The following MAF variants were observed in gnomAD, a reference collection of about 807,000 sequenced individuals.
MAF encodes MAF bZIP transcription factor.
MAF carries 10 observed loss-of-function variants against 22.0 expected under a neutral mutation model. The observed-to-expected ratio is 0.45, with a 90% confidence interval of 0.28 to 0.77. MAF has a LOEUF of 0.77. Among genes scored for constraint, MAF ranks in the 30% least tolerant of loss-of-function variants. The pLI is 0.12. For missense variants in MAF, 544 were observed against 548.4 expected (o/e 0.99, Z 0.08); for synonymous variants, 337 against 255.8 (o/e 1.32, Z -3.03).
At chr16:79,506,140 C>A in the MAF span, among the ~76,000 whole-genome samples, 1 of 152,106 alleles carries the variant, frequency 6.6e-6, no homozygotes, top group Non-Finnish European at 1.5e-5. Context: ...AAAGAGATTT[C>A]TTGGAGTTGG....
At chr16:79,449,549 A>T in the MAF span, among the ~76,000 whole-genome samples, 1 of 152,164 alleles carries the variant, frequency 6.6e-6, no homozygotes, top group African/African-American at 2.4e-5. Flanking sequence ...TTCTGCATGC[A>T]TGCAGCAAAC....
At chr16:79,371,065 G>A in the MAF span, among the ~76,000 whole-genome samples, 2 of 152,132 alleles carry the variant, frequency 1.3e-5, no homozygotes, top group Non-Finnish European at 1.5e-5. Flanking sequence ...AGCATTGACT[G>A]AAGTCACTTA....
At chr16:79,596,037 C>A (rs1597843184) in intron 1 of MAF, 2 of 1,061,366 alleles carry the variant, frequency 1.9e-6, no homozygotes, top group Non-Finnish European at 2.3e-6. Flanking sequence ...AAATAGTCAA[C>A]TTTAGTGAAA....
the MAF span, among the ~76,000 whole-genome samples, chr16:79,233,755 AG>A: frequency 1.2e-4 from 19 of 152,136 alleles, no homozygotes; most frequent in African/African-American, 4.3e-4. Flanking sequence ...GTATTTTGGG[AG>A]GCCGAGGCAA....
the MAF span, among the ~76,000 whole-genome samples, chr16:79,208,802 A>T: frequency 6.6e-6 from 1 of 152,222 alleles, no homozygotes; most frequent in East Asian, 1.9e-4. Flanking sequence ...ATCTGATCAT[A>T]TTAAGATGTC....
chr16:79,373,423 C>T, the MAF span, among the ~76,000 whole-genome samples: 1 of 112,800 alleles, frequency 8.9e-6, no homozygotes, highest in Non-Finnish European at 1.7e-5. Context: ...CGCTCTGTCT[C>T]CCAGGCTGGA....
chr16:79,369,086 G>C, the MAF span, among the ~76,000 whole-genome samples: 1 of 152,212 alleles, frequency 6.6e-6, no homozygotes, highest in Admixed American at 6.5e-5. Flanking sequence ...AGAAATGTTT[G>C]TTGAATAAAT....
the MAF span, among the ~76,000 whole-genome samples, chr16:79,357,716 C>A: frequency 2.0e-5 from 3 of 152,106 alleles, no homozygotes; most frequent in Non-Finnish European, 4.4e-5. Context: ...CTAGATGCTG[C>A]CCAGGTGACT....
the MAF span, chr16:79,206,359 C>G: frequency 6.6e-6 from 1 of 152,176 alleles, no homozygotes; most frequent in Non-Finnish European, 1.5e-5. Flanking sequence ...CATGTACCAA[C>G]GGACACGGAG....
chr16:79,491,649 T>C, the MAF span, among the ~76,000 whole-genome samples: 15 of 152,286 alleles, frequency 9.8e-5, no homozygotes, highest in African/African-American at 3.6e-4. Context: ...GCGACTAACA[T>C]GTAACAAAAT....
At chr16:79,268,536 G>A in the MAF span, among the ~76,000 whole-genome samples, 37 of 152,308 alleles carry the variant, frequency 2.4e-4, no homozygotes, top group South Asian at 5.0e-3. Flanking sequence ...TTTCCCCACA[G>A]TAGCCACATT....
At chr16:79,296,480 T>A in the MAF span, among the ~76,000 whole-genome samples, 1 of 152,188 alleles carries the variant, frequency 6.6e-6, no homozygotes, top group South Asian at 2.1e-4. Flanking sequence ...TGTTTACTTA[T>A]GTAACAAACC....
the MAF span, among the ~76,000 whole-genome samples, chr16:79,347,490 C>T: frequency 2.0e-5 from 3 of 152,242 alleles, no homozygotes; most frequent in African/African-American, 4.8e-5. Flanking sequence ...GCATCTGCGA[C>T]TTTTGTCCTC....
At chr16:79,210,564 C>A in the MAF span, among the ~76,000 whole-genome samples, 5 of 152,148 alleles carry the variant, frequency 3.3e-5, no homozygotes, top group African/African-American at 9.7e-5. Context: ...TCTCTTGCAA[C>A]CCCTCTCCCT....
chr16:79,502,749 A>T, the MAF span, among the ~76,000 whole-genome samples: 47 of 120,566 alleles, frequency 3.9e-4, no homozygotes, highest in Non-Finnish European at 5.8e-4. Context: ...ATATATATAT[A>T]TATATAAAGA....
At chr16:79,288,324 T>C in the MAF span, among the ~76,000 whole-genome samples, 1 of 152,202 alleles carries the variant, frequency 6.6e-6, no homozygotes, top group Non-Finnish European at 1.5e-5. Context: ...GCAGTTTCTA[T>C]TTCCTTTCTC....
the MAF span, among the ~76,000 whole-genome samples, chr16:79,346,772 G>A: frequency 1.3e-5 from 2 of 152,170 alleles, no homozygotes; most frequent in Admixed American, 6.5e-5. Context: ...CTTGACAGGG[G>A]CATCACGTAG....
At chr16:79,258,801 G>A in the MAF span, among the ~76,000 whole-genome samples, 1 of 152,136 alleles carries the variant, frequency 6.6e-6, no homozygotes. Context: ...TAGTGCTAGT[G>A]AAGCCCCCAG....
chr16:79,368,755 T>C, the MAF span, among the ~76,000 whole-genome samples: 1 of 152,158 alleles, frequency 6.6e-6, no homozygotes, highest in African/African-American at 2.4e-5. Flanking sequence ...CTTTTGCAAA[T>C]GCTCTTCCCT....
Sources: allele counts gnomAD v4.1 joint callset (sites outside exome capture counted in the v4.1 genomes callset), GRCh38; gene constraint gnomAD v4.1.1; transcripts MANE v1.5; gene names NCBI Gene and HGNC (gene_info 2026-07-23, HGNC 2026-07-21).